TMEM65: variants seen among roughly 807,000 people sequenced by gnomAD.
TMEM65 encodes transmembrane protein 65.
Under a neutral mutation model 25.4 loss-of-function variants are expected in TMEM65, and 22 were observed. That is an observed-to-expected ratio of 0.86 (90% CI 0.62 to 1.23). TMEM65 has a LOEUF of 1.23. Ranked by LOEUF, TMEM65 falls within the 50% of genes most tolerant of loss-of-function variation. The pLI is 0.00. For synonymous variants in TMEM65, 132 were observed against 126.2 expected (o/e 1.05, Z -0.31); for missense variants, 262 against 308.2 (o/e 0.85, Z 1.12).
At position 124,363,824 on chromosome 8, in the gene TMEM65, G is replaced by A. The variant is rs529270461; in HGVS notation, c.304+8030C>T. Among the ~76,000 whole-genome samples, 206 of 111,012 alleles carry A rather than the reference G, an allele frequency of 1.9e-3. 3 individuals carry two copies. Among genetic ancestry groups the A allele is most frequent in the South Asian group, 0.011 (35 of 3,170 alleles). The allele number at this position is 111,012 out of a possible 152,430, so 72.8% of individuals were successfully genotyped here. ...TGCACTCCAGCCAGGGCGACAGAGC[G>A]AGACTCCGTCTCAAAAAAAAAAAAA... is the stretch of plus-strand genomic sequence containing the variant. On this transcript the variant is annotated intron_variant, in intron 1 of 6. Transcript: ENST00000297632.
chr8:124,347,472 C>T (rs2131217007), intron 1 of TMEM65, among the ~76,000 whole-genome samples: 1 of 152,234 alleles, frequency 6.6e-6, no homozygotes, highest in East Asian at 1.9e-4. Flanking sequence ...CAAAAAACTA[C>T]CTATTGGGCA....
chr8:124,310,624 C>T lies in TMEM65; in HGVS notation c.*3336G>A, dbSNP rs1377350119. On this transcript the variant is annotated 3_prime_UTR_variant, in exon 7 of 7. Coordinates refer to ENST00000297632, the MANE Select transcript of TMEM65 (RefSeq NM_194291.3). ...TAAATGCAATAATGTGTGTAAATTA[C>T]TAGTGCATAAAGGACCAAATAAGTG... is the stretch of plus-strand genomic sequence containing the variant. 6.6e-6 allele frequency: 1 copy of T among 152,028 alleles called. No homozygotes were observed. The highest frequency in any genetic ancestry group is 1.9e-4 in the East Asian group (1 of 5,180). 9.4% of individuals were successfully genotyped at this position (152,028 alleles called of 1,614,324 possible).
chr8:124,331,628 C>G (rs1244887966), intron 1 of TMEM65, among the ~76,000 whole-genome samples: 1 of 151,494 alleles, frequency 6.6e-6, no homozygotes, highest in Non-Finnish European at 1.5e-5. Flanking sequence ...GGTCTTATAA[C>G]AATAAGCATC....
chr8:124,339,964 A>G (rs559252356), intron 1 of TMEM65, among the ~76,000 whole-genome samples: 1 of 152,276 alleles, frequency 6.6e-6, no homozygotes, highest in East Asian at 1.9e-4. Context: ...GAGGTGTATC[A>G]GAAAAGAAAG....
chr8:124,327,979 T>G (rs1287629315), intron 2 of TMEM65, among the ~76,000 whole-genome samples: 1 of 152,010 alleles, frequency 6.6e-6, no homozygotes, highest in Non-Finnish European at 1.5e-5. Flanking sequence ...TTTTCCCCCC[T>G]CAAAATTCAT....
At chr8:124,318,363 GTTTTTGTTTT>G (rs1442557251) in intron 6 of TMEM65, among the ~76,000 whole-genome samples, 7 of 73,836 alleles carry the variant, frequency 9.5e-5, no homozygotes, top group African/African-American at 3.9e-4. Flanking sequence ...GAATTTGCAT[GTTTTTGTTTT>G]TTTTTTTTTT....
At chr8:124,337,221 A>G (rs1814522883) in intron 1 of TMEM65, among the ~76,000 whole-genome samples, 1 of 151,992 alleles carries the variant, frequency 6.6e-6, no homozygotes, top group African/African-American at 2.4e-5. Context: ...AAAAAACATC[A>G]ATCCTACAAA....
At chr8:124,314,787 G>A (rs1814213241) in intron 6 of TMEM65, among the ~76,000 whole-genome samples, 2 of 151,638 alleles carry the variant, frequency 1.3e-5, no homozygotes, top group African/African-American at 4.8e-5. Context: ...AGTCTCCCCA[G>A]TAACTAGAAC....
chr8:124,331,810 C>T (rs1034200313), intron 1 of TMEM65, among the ~76,000 whole-genome samples: 8 of 151,856 alleles, frequency 5.3e-5, no homozygotes, highest in African/African-American at 1.9e-4. Flanking sequence ...TGTACATCTT[C>T]AAAAATATTT....
At chr8:124,320,064 A>T in intron 6 of TMEM65, 22 bp downstream of exon 6, 1 of 1,590,512 alleles carries the variant, frequency 6.3e-7, no homozygotes. Context: ...ACTCATTATC[A>T]TAAACCATGT....
intron 1 of TMEM65, among the ~76,000 whole-genome samples, chr8:124,349,246 T>C (rs1161621484): frequency 2.6e-5 from 4 of 152,286 alleles, no homozygotes; most frequent in Admixed American, 6.5e-5. Context: ...GTATTTGAAA[T>C]TGAAATAAAA....
intron 1 of TMEM65, among the ~76,000 whole-genome samples, chr8:124,357,229 T>C (rs1814794693): frequency 6.6e-6 from 1 of 152,106 alleles, no homozygotes; most frequent in African/African-American, 2.4e-5. Context: ...CCTATATGGG[T>C]AGAAGTCCCA....
intron 1 of TMEM65, among the ~76,000 whole-genome samples, chr8:124,345,332 AC>A (rs1814629061): frequency 6.6e-6 from 1 of 152,214 alleles, no homozygotes; most frequent in Non-Finnish European, 1.5e-5. Context: ...CTGGTTTGTC[AC>A]CAGTAAGCAT....
chr8:124,336,395 T>C (rs961011975), intron 1 of TMEM65, among the ~76,000 whole-genome samples: 2 of 152,026 alleles, frequency 1.3e-5, no homozygotes, highest in Non-Finnish European at 2.9e-5. Flanking sequence ...ACTCAACAAC[T>C]GTAGAATACA....
intron 1 of TMEM65, among the ~76,000 whole-genome samples, chr8:124,335,049 T>C (rs1025491390): frequency 6.6e-6 from 1 of 152,048 alleles, no homozygotes; most frequent in African/African-American, 2.4e-5. Flanking sequence ...GAATAAATAA[T>C]GGCTACAAAT....
chr8:124,363,860 A>C lies in TMEM65; in HGVS notation c.304+7994T>G, dbSNP rs866753234. 8.0e-3 allele frequency among the ~76,000 whole-genome samples: 1,179 copies of C among 148,120 alleles called. 30 individuals carry two copies. The highest frequency in any genetic ancestry group is 0.017 in the Middle Eastern group (5 of 290). On this transcript the variant is annotated intron_variant, in intron 1 of 6. Transcript: ENST00000297632. ...TCAAAAAAAAAAAAAAAAAAAAAAA[A>C]AAAAAAACAAGAAGTATCAACAACT...
intron 1 of TMEM65, among the ~76,000 whole-genome samples, chr8:124,367,290 A>G (rs1814951223): frequency 6.6e-6 from 1 of 152,094 alleles, no homozygotes; most frequent in South Asian, 2.1e-4. Flanking sequence ...CCTGGCCAAC[A>G]TGGTGAAACC....
At position 124,330,742 on chromosome 8, in the gene TMEM65, C is replaced by A; in HGVS notation, c.349+6G>T. 6.3e-7 allele frequency: 1 copy of A among 1,589,594 alleles called. No homozygotes were observed. Among genetic ancestry groups the A allele is most frequent in the Non-Finnish European group, 8.5e-7 (1 of 1,170,564 alleles). ...AACATATATTTAACAATTATAGAAC[C>A]ATTACCATATCTCAGCTGTCCTGGG... On this transcript the variant is annotated splice_donor_region_variant and intron_variant, in intron 2 of 6. Coordinates refer to ENST00000297632, the MANE Select transcript of TMEM65 (RefSeq NM_194291.3).
In TMEM65 at chr8:124,372,072, G is replaced by C. The variant is rs2131237187; in HGVS notation, c.86C>G (p.Pro29Arg). ...CCCCCGCCCGCAGCAGCACCAGGAC[G>C]GCGGGCGGGGCGCGGCGGCGGCGGC... is the stretch of plus-strand genomic sequence containing the variant. ...GPAAAAAPRP[P>R]SWCCCGRGLL... Residue 29 changes from proline to arginine, a missense_variant, in exon 1 of 7, where the codon CCG (proline) becomes CGG (arginine). Pro to Arg is a moderately radical substitution (Grantham distance 103). Transcript: ENST00000297632. 3 of 1,136,380 alleles carry C rather than the reference G, an allele frequency of 2.6e-6. No individual in the cohort carries two copies. The highest frequency in any genetic ancestry group is 2.2e-6 in the Non-Finnish European group (2 of 928,320). 70.4% of individuals were successfully genotyped at this position (1,136,380 alleles called of 1,614,324 possible). A position where few individuals can be genotyped will look rare whatever the true frequency, so the allele number is the denominator to read the frequency against.
Sources: allele counts gnomAD v4.1 joint callset (sites outside exome capture counted in the v4.1 genomes callset), GRCh38; gene constraint gnomAD v4.1.1; transcripts MANE v1.5; gene names NCBI Gene and HGNC (gene_info 2026-07-23, HGNC 2026-07-21).